The following PCNX1 variants were observed in gnomAD, a reference collection of about 807,000 sequenced individuals.
PCNX1 encodes pecanex-like protein 1.
In PCNX1, 78 loss-of-function variants were observed where a neutral mutation model predicts 242.2. That is an observed-to-expected ratio of 0.32 (90% confidence interval 0.27 to 0.39). The LOEUF (loss-of-function observed/expected upper bound fraction) is 0.39. PCNX1 is among the 10% of genes least tolerant of loss of function. The pLI, the probability that PCNX1 is intolerant of heterozygous loss-of-function variation, is 1.00. For missense variants in PCNX1, 2,581 were observed against 2,856.5 expected (o/e 0.90, Z 2.20); for synonymous variants, 1,024 against 1,032.9 (o/e 0.99, Z 0.17).
intron 1 of PCNX1, among the ~76,000 whole-genome samples, chr14:70,940,607 G>A (rs2057197288): frequency 6.6e-6 from 1 of 152,028 alleles, no homozygotes; most frequent in South Asian, 2.1e-4. Context: ...TATGTGTCTT[G>A]GAGTTGCTCT....
At chr14:70,954,600 G>A (rs1007087687) in intron 2 of PCNX1, among the ~76,000 whole-genome samples, 1 of 152,056 alleles carries the variant, frequency 6.6e-6, no homozygotes, top group Admixed American at 6.6e-5. Context: ...TGATTTTATA[G>A]TATTTATGCT....
At chr14:70,996,175 A>T (rs1466304340) in intron 8 of PCNX1, among the ~76,000 whole-genome samples, 1 of 152,004 alleles carries the variant, frequency 6.6e-6, no homozygotes, top group Non-Finnish European at 1.5e-5. Flanking sequence ...GTGTTAATAT[A>T]TGTTCACACT....
At chr14:71,020,431 C>G (rs994920417) in intron 12 of PCNX1, among the ~76,000 whole-genome samples, 6 of 152,206 alleles carry the variant, frequency 3.9e-5, no homozygotes, top group Non-Finnish European at 5.9e-5. Flanking sequence ...TCTCCACATC[C>G]TCTCCAGCAT....
At chr14:70,924,250 GAAAA>G (rs1248981424) in intron 1 of PCNX1, among the ~76,000 whole-genome samples, 1 of 132,660 alleles carries the variant, frequency 7.5e-6, no homozygotes, top group South Asian at 2.4e-4. Context: ...AAAAAAAAAA[GAAAA>G]AGAAAAAACA....
chr14:70,927,267 A>T, intron 1 of PCNX1, among the ~76,000 whole-genome samples: 1 of 152,158 alleles, frequency 6.6e-6, no homozygotes. Context: ...CCTGTTCTGT[A>T]AGTGTGTCTT....
chr14:70,949,404 T>TACATATATATGTACATATATAC (rs1180431729), intron 2 of PCNX1, among the ~76,000 whole-genome samples: 1 of 151,190 alleles, frequency 6.6e-6, no homozygotes, highest in Non-Finnish European at 1.5e-5. Context: ...TGTGTGTGTG[T>TACATATATATGTACATATATAC]ACATATATAT....
At chr14:71,038,487 C>G (rs2060610989) in intron 19 of PCNX1, among the ~76,000 whole-genome samples, 1 of 151,812 alleles carries the variant, frequency 6.6e-6, no homozygotes, top group Admixed American at 6.6e-5. Context: ...CTCACCATCA[C>G]TGGCCATCAG....
chr14:70,958,325 TGA>T (rs2058069262), intron 2 of PCNX1, among the ~76,000 whole-genome samples: 1 of 152,194 alleles, frequency 6.6e-6, no homozygotes, highest in African/African-American at 2.4e-5. Flanking sequence ...ATTATAATTA[TGA>T]GATAATTGAT....
chr14:70,925,568 CTTT>C (rs71305848), intron 1 of PCNX1, among the ~76,000 whole-genome samples: 6 of 106,898 alleles, frequency 5.6e-5, no homozygotes, highest in Non-Finnish European at 7.5e-5. Context: ...CTTACCTCAT[CTTT>C]TTTTTTTTTT....
intron 1 of PCNX1, among the ~76,000 whole-genome samples, chr14:70,908,508 C>T (rs1420311463): frequency 1.3e-5 from 2 of 152,210 alleles, no homozygotes; most frequent in African/African-American, 2.4e-5. Context: ...GTGCGGAGCC[C>T]CGGGAGCGCG....
chr14:71,007,255 T>C (rs2059694269), intron 8 of PCNX1, among the ~76,000 whole-genome samples: 1 of 152,004 alleles, frequency 6.6e-6, no homozygotes, highest in Admixed American at 6.5e-5. Flanking sequence ...GTAAATTTAA[T>C]ATTAGATATT....
chr14:71,055,139 C>CATT (rs1369109571), intron 24 of PCNX1, among the ~76,000 whole-genome samples: 2 of 152,198 alleles, frequency 1.3e-5, no homozygotes, highest in Non-Finnish European at 2.9e-5. Context: ...AGCATTAATA[C>CATT]ATACACCTTC....
At chr14:71,109,718 T>C in intron 35 of PCNX1, 77 bp from the exon 36 acceptor site, 1 of 1,570,442 alleles carries the variant, frequency 6.4e-7, no homozygotes, top group South Asian at 1.1e-5. Flanking sequence ...CTACTACTAA[T>C]CCTAGGTAGG....
chr14:70,942,947 C>G (rs1274916062), intron 1 of PCNX1: 40 of 152,400 alleles, frequency 2.6e-4, no homozygotes, highest in Admixed American at 2.6e-3. Context: ...CTCACCAGAT[C>G]TGATGGTTTT....
chr14:71,078,491 A>G (rs1351483021), intron 28 of PCNX1, among the ~76,000 whole-genome samples: 1 of 152,206 alleles, frequency 6.6e-6, no homozygotes, highest in Non-Finnish European at 1.5e-5. Context: ...TCTTTCTCCT[A>G]CTTTTCAAAC....
chr14:71,070,650 A>G (rs1019479068), intron 26 of PCNX1, among the ~76,000 whole-genome samples: 12 of 152,204 alleles, frequency 7.9e-5, no homozygotes, highest in Admixed American at 2.6e-4. Flanking sequence ...CAGTAGGCTT[A>G]AAATATCCAG....
chr14:71,027,196 TC>T (rs1303081316), intron 15 of PCNX1: 1 of 203,354 alleles, frequency 4.9e-6, no homozygotes, highest in East Asian at 1.4e-4. Context: ...TCATAAAAGA[TC>T]ATCTATCCTG....
chr14:71,044,136 T>C (rs1382987820), intron 19 of PCNX1, among the ~76,000 whole-genome samples: 4 of 152,264 alleles, frequency 2.6e-5, no homozygotes, highest in South Asian at 2.1e-4. Context: ...TTAGGCTGCA[T>C]TTGTTAATAG....
chr14:70,972,044 C>G (rs528956597), intron 5 of PCNX1, among the ~76,000 whole-genome samples: 3 of 152,302 alleles, frequency 2.0e-5, no homozygotes, highest in South Asian at 2.1e-4. Flanking sequence ...CCTCACTCAG[C>G]AGATTATTGC....
Sources: allele counts gnomAD v4.1 joint callset (sites outside exome capture counted in the v4.1 genomes callset), GRCh38; gene constraint gnomAD v4.1.1; transcripts MANE v1.5; gene names NCBI Gene and HGNC (gene_info 2026-07-23, HGNC 2026-07-21).